Variants in LEPR observed in about 807,000 individuals in gnomAD.
LEPR encodes OB receptor.
Under a neutral mutation model 114.7 loss-of-function variants are expected in LEPR, and 56 were observed. The ratio of observed to expected loss-of-function variants is 0.49; its 90% CI spans 0.39 to 0.61. The LOEUF (loss-of-function observed/expected upper bound fraction) is 0.61, where lower values mean the gene tolerates loss of function less well. Ranked by LOEUF, LEPR falls within the 20% of genes least tolerant of loss-of-function variation. The probability of loss-of-function intolerance (pLI) is 0.00; values close to 1 mark genes in which losing one functional copy is unlikely to be tolerated. For missense variants in LEPR, 1,202 were observed against 1,352.9 expected (o/e 0.89, Z 1.75); for synonymous variants, 443 against 461.4 (o/e 0.96, Z 0.51).
chr1:65,533,940 A>G (rs1471488846), intron 2 of LEPR, among the ~76,000 whole-genome samples: 3 of 152,024 alleles, frequency 2.0e-5, no homozygotes, highest in African/African-American at 4.8e-5. Flanking sequence ...AGATTTCTAC[A>G]TACTTATTTT....
Position 65,507,463 on chromosome 1 carries a change from A to G in LEPR, c.-20-58083A>G, listed in dbSNP as rs61779818. Among the ~76,000 whole-genome samples, 676 of 89,742 alleles carry G rather than the reference A, an allele frequency of 7.5e-3. 5 individuals are homozygous for G. The highest frequency in any genetic ancestry group is 0.024 in the African/African-American group (639 of 26,682). 58.9% of individuals were successfully genotyped at this position (89,742 alleles called of 152,430 possible). A position where few individuals can be genotyped will look rare whatever the true frequency, so the allele number is the denominator to read the frequency against. The stretch of plus-strand genomic sequence containing the variant: ...TGTGTGTGTGTGTGTGTGTGTGTAT[A>G]TATATATATACACATATATATGTAT... On this transcript the variant is annotated intron_variant, in intron 2 of 19. Transcript: ENST00000349533.
chr1:65,497,282 G>A (rs1648213023), intron 2 of LEPR, among the ~76,000 whole-genome samples: 1 of 152,132 alleles, frequency 6.6e-6, no homozygotes, highest in Non-Finnish European at 1.5e-5. Context: ...AGCAAATTCA[G>A]AAAAATTCAG....
At chr1:65,533,414 A>T (rs890167265) in intron 2 of LEPR, among the ~76,000 whole-genome samples, 1 of 152,150 alleles carries the variant, frequency 6.6e-6, no homozygotes, top group African/African-American at 2.4e-5. Flanking sequence ...AAAAGATGCA[A>T]AATGGGAGAA....
At chr1:65,544,482 A>T (rs1185927187) in intron 2 of LEPR, among the ~76,000 whole-genome samples, 1 of 151,976 alleles carries the variant, frequency 6.6e-6, no homozygotes, top group Non-Finnish European at 1.5e-5. Context: ...TACTATGTTG[A>T]ACAGGAGTGG....
intron 2 of LEPR, among the ~76,000 whole-genome samples, chr1:65,460,952 G>T (rs1201764123): frequency 4.0e-5 from 6 of 151,006 alleles, no homozygotes; most frequent in African/African-American, 1.5e-4. Context: ...CAGGAACCTA[G>T]ATCCCATTTT....
intron 10 of LEPR, among the ~76,000 whole-genome samples, chr1:65,603,726 C>T (rs1388415273): frequency 1.4e-5 from 2 of 145,840 alleles, no homozygotes; most frequent in Non-Finnish European, 1.5e-5. Flanking sequence ...GATTCATCAG[C>T]TATCGTTAGT....
rs560511914 is a variant in LEPR, at chr1:65,570,522, T to C, written c.90T>C (p.Pro30=). ...TAFNLSYPIT[P]WRFKLSCMPP... ...TTAACTTGTCATATCCAATTACTCC[T>C]TGGAGATTTAAGTTGTCTTGCATGC... is the stretch of plus-strand genomic sequence containing the variant. The change falls in exon 4 of 20, where the codon CCT becomes CCC. Residue 30 remains proline, a synonymous_variant. Transcript: ENST00000349533. 1 of 1,613,978 alleles carries C rather than the reference T, an allele frequency of 6.2e-7. No individual in the cohort carries two copies. The highest frequency in any genetic ancestry group is 1.1e-5 in the South Asian group (1 of 91,064).
intron 2 of LEPR, among the ~76,000 whole-genome samples, chr1:65,495,270 T>A (rs968543012): frequency 1.3e-5 from 2 of 152,080 alleles, no homozygotes; most frequent in Non-Finnish European, 2.9e-5. Context: ...AAAGAAGATG[T>A]ACAGATGGCC....
intron 2 of LEPR, among the ~76,000 whole-genome samples, chr1:65,495,993 A>G (rs1648136146): frequency 6.6e-6 from 1 of 152,202 alleles, no homozygotes; most frequent in Non-Finnish European, 1.5e-5. Context: ...ATAGCACAGT[A>G]TGAAGACTAT....
At chr1:65,590,912 C>T (rs1300474523) in intron 5 of LEPR, among the ~76,000 whole-genome samples, 3 of 150,390 alleles carry the variant, frequency 2.0e-5, no homozygotes, top group African/African-American at 4.9e-5. Flanking sequence ...TTTGTTAAGA[C>T]GGAAGCTGAG....
rs2100922945 is a variant in LEPR, at chr1:65,598,645, TATA to T, written c.850-11_850-9del. On this transcript the variant is annotated splice_polypyrimidine_tract_variant and intron_variant, in intron 7 of 19. Transcript: ENST00000349533. Reference sequence around the variant, plus strand: ...TCAACTTGATGTTCTGATGTTTTAATATAATATTTAACAGGCTGACAAGATTGT... The same window carrying T: ...TCAACTTGATGTTCTGATGTTTTAATATATTTAACAGGCTGACAAGATTGT... 6.2e-7 allele frequency: 1 copy of T among 1,612,468 alleles called. No individual in the cohort carries two copies. Among genetic ancestry groups the T allele is most frequent in the East Asian group, 2.2e-5 (1 of 44,860 alleles).
In LEPR at chr1:65,420,679, G is replaced by T; in HGVS notation, c.-158G>T. ...GGTCTGGCTTGGGCAGGCTGCCCGGGCCGTGGCAGGAAGCCGGAAGCAGCC... is the reference window on the plus strand; with the variant it reads ...GGTCTGGCTTGGGCAGGCTGCCCGGTCCGTGGCAGGAAGCCGGAAGCAGCC... On this transcript the variant is annotated 5_prime_UTR_variant, in exon 1 of 20. Transcript: ENST00000349533. 1 of 1,565,090 alleles carries T rather than the reference G, an allele frequency of 6.4e-7. No homozygotes were observed. Among genetic ancestry groups the T allele is most frequent in the Non-Finnish European group, 8.6e-7 (1 of 1,156,644 alleles).
At chr1:65,551,877 A>G (rs1389627534) in intron 2 of LEPR, among the ~76,000 whole-genome samples, 1 of 152,144 alleles carries the variant, frequency 6.6e-6, no homozygotes, top group Non-Finnish European at 1.5e-5. Flanking sequence ...ACCGCTTTAT[A>G]TATGTCCCAG....
chr1:65,538,740 C>T (rs926079723), intron 2 of LEPR, among the ~76,000 whole-genome samples: 1 of 151,678 alleles, frequency 6.6e-6, no homozygotes, highest in African/African-American at 2.4e-5. Flanking sequence ...TTCTTATATT[C>T]TTTTTTTCTT....
chr1:65,434,894 G>A (rs2100248182), intron 2 of LEPR: 1 of 985,438 alleles, frequency 1.0e-6, no homozygotes, highest in Non-Finnish European at 1.2e-6. Flanking sequence ...TGAGAAGAAA[G>A]CAGATCACAC....
chr1:65,515,323 C>T, intron 2 of LEPR, among the ~76,000 whole-genome samples: 1 of 152,138 alleles, frequency 6.6e-6, no homozygotes, highest in Middle Eastern at 3.2e-3. Context: ...ATCCTGTAGG[C>T]AGTGCAGAGA....
Position 65,609,955 on chromosome 1 carries a change from G to A in LEPR, c.1761G>A (p.Glu587=). Reference sequence around the variant, plus strand: ...TTTGACTTATTTTACAGATGTATGAGGTTTATGATGCAAAATCAAAATCTG... The same window carrying A: ...TTTGACTTATTTTACAGATGTATGAAGTTTATGATGCAAAATCAAAATCTG... The part of the protein sequence containing the change: ...SGKEVQWKMY[E]VYDAKSKSVS... The change falls in exon 13 of 20, where the codon GAG becomes GAA. Residue 587 remains glutamate (E), a synonymous_variant. Coordinates refer to ENST00000349533, the MANE Select transcript of LEPR (RefSeq NM_002303.6). 1 of 1,614,170 alleles carries A rather than the reference G, an allele frequency of 6.2e-7. No homozygotes were observed. The highest frequency in any genetic ancestry group is 8.5e-7 in the Non-Finnish European group (1 of 1,179,990).
intron 2 of LEPR, among the ~76,000 whole-genome samples, chr1:65,494,391 C>T (rs1259656531): frequency 6.6e-6 from 1 of 152,104 alleles, no homozygotes. Context: ...CAAATGTTCT[C>T]TGAGGGCTTA....
At chr1:65,571,791 CA>C (rs34139057) in intron 4 of LEPR, among the ~76,000 whole-genome samples, 44,248 of 72,634 alleles carry the variant, frequency 0.61, 13,493 homozygotes, top group South Asian at 0.69. Flanking sequence ...CCATCTCTAC[CA>C]AAAAAAAAAA....
Sources: gnomAD v4.1 joint callset for allele counts (sites outside exome capture counted in the v4.1 genomes callset) on GRCh38, gnomAD v4.1.1 for gene constraint, MANE v1.5 for transcripts, NCBI Gene and HGNC (gene_info 2026-07-23, HGNC 2026-07-21) for gene names.